Variants in SCEL observed in about 807,000 individuals in gnomAD.
The protein encoded by SCEL is sciellin.
Under a neutral mutation model 117.6 loss-of-function variants are expected in SCEL, and 113 were observed. That is an observed-to-expected ratio of 0.96 (90% CI 0.83 to 1.12). The LOEUF is 1.12. Ranked by LOEUF, SCEL falls within the 50% of genes most tolerant of loss-of-function variation. The pLI, the probability that SCEL is intolerant of heterozygous loss-of-function variation, is 0.00. For missense variants in SCEL, 785 were observed against 810.8 expected (o/e 0.97, Z 0.39); for synonymous variants, 270 against 256.2 (o/e 1.05, Z -0.51).
intron 23 of SCEL, 24 bp downstream of exon 23, chr13:77,612,965 G>T (rs767474369): frequency 7.0e-7 from 1 of 1,436,316 alleles, no homozygotes; most frequent in South Asian, 1.3e-5. Context: ...GATAATTGAA[G>T]ACTTCTTAGC....
At chr13:77,603,627 A>G (rs1182198270) in intron 18 of SCEL, among the ~76,000 whole-genome samples, 3 of 152,148 alleles carry the variant, frequency 2.0e-5, no homozygotes, top group East Asian at 1.9e-4. Flanking sequence ...GTGGCACCCA[A>G]TCGCAGTGCT....
rs2085480585 is a variant in SCEL at position 77,569,552 on chromosome 13, T to C, written c.479+101T>C. The C allele has an allele frequency of 9.9e-6, 8 of 808,136 alleles. No homozygotes were observed. In the South Asian group the frequency reaches 1.0e-4, roughly 11 times the overall value. The allele number at this position is 808,136 out of a possible 1,614,324, so 50.1% of individuals were successfully genotyped here. Reference sequence around the variant, plus strand: ...TTGTGGGGATCCAGCATCTACATTCTGCTGTTCCCAAACTTCAGCTCTTTC... The same window carrying C: ...TTGTGGGGATCCAGCATCTACATTCCGCTGTTCCCAAACTTCAGCTCTTTC... On this transcript the variant is annotated intron_variant, in intron 8 of 32. Coordinates refer to ENST00000349847, the MANE Select transcript of SCEL (RefSeq NM_144777.3).
intron 19 of SCEL, among the ~76,000 whole-genome samples, chr13:77,606,725 T>C (rs184217029): frequency 6.6e-6 from 1 of 152,316 alleles, no homozygotes; most frequent in Admixed American, 6.5e-5. Context: ...AATAAAAGAC[T>C]TGAATCAGCA....
At chr13:77,596,949 A>G (rs1327977469) in intron 12 of SCEL, 1 of 152,224 alleles carries the variant, frequency 6.6e-6, no homozygotes, top group African/African-American at 2.4e-5. Flanking sequence ...GCAGTTGTCA[A>G]ATGTGGAAAC....
rs568113801 is a variant in SCEL at position 77,541,245 on chromosome 13, A to T, written c.-20+5421A>T. On this transcript the variant is annotated intron_variant, in intron 1 of 32. Coordinates refer to ENST00000349847, the MANE Select transcript of SCEL (RefSeq NM_144777.3). ...TGGATAATTTATAAAATAAGAAAGA[A>T]AATGCCCTGTAAAGTGAAGAAAAAT... Among the ~76,000 whole-genome samples, 5 of 152,238 alleles carry T rather than the reference A, an allele frequency of 3.3e-5. No homozygotes were observed. In the South Asian group the frequency reaches 1.0e-3, roughly 32 times the overall value.
chr13:77,638,444 A>G (rs1034880499), intron 30 of SCEL, among the ~76,000 whole-genome samples: 9 of 152,192 alleles, frequency 5.9e-5, no homozygotes, highest in African/African-American at 1.9e-4. Flanking sequence ...GATCTTAATA[A>G]AGATAGTACC....
At chr13:77,600,631 G>A (rs1350568006) in intron 15 of SCEL, among the ~76,000 whole-genome samples, 1 of 151,830 alleles carries the variant, frequency 6.6e-6, no homozygotes, top group African/African-American at 2.4e-5. Flanking sequence ...TATAGTTCTA[G>A]CCTGACTGAT....
At chr13:77,632,723 A>AT (rs2090082146) in intron 28 of SCEL, among the ~76,000 whole-genome samples, 1 of 152,166 alleles carries the variant, frequency 6.6e-6, no homozygotes, top group African/African-American at 2.4e-5. Context: ...AATTTTCTCT[A>AT]TTTTTGCATT....
intron 21 of SCEL, 122 bp from the exon 22 acceptor site, chr13:77,609,925 G>A (rs2088513952): frequency 4.2e-6 from 2 of 478,564 alleles, no homozygotes; most frequent in Non-Finnish European, 6.5e-6. Context: ...AGCCCTCTGA[G>A]ATGATCTCTA....
intron 12 of SCEL, among the ~76,000 whole-genome samples, chr13:77,594,646 CTA>C (rs1280469543): frequency 6.6e-6 from 1 of 152,190 alleles, no homozygotes. Context: ...TCTATCATCT[CTA>C]TAGTCTCTCA....
At chr13:77,610,879 T>C (rs1200511776) in intron 22 of SCEL, among the ~76,000 whole-genome samples, 1 of 152,212 alleles carries the variant, frequency 6.6e-6, no homozygotes, top group Non-Finnish European at 1.5e-5. Flanking sequence ...CATTTGTCTT[T>C]TATATAGAAA....
chr13:77,564,697 A>G (rs940928578), intron 5 of SCEL, among the ~76,000 whole-genome samples: 3 of 152,190 alleles, frequency 2.0e-5, no homozygotes, highest in Non-Finnish European at 4.4e-5. Flanking sequence ...ATGTGCTGCA[A>G]TTGCAGGCAA....
rs1057118328 is a variant in SCEL, at chr13:77,612,894, C to A, written c.1341C>A (p.Asn447Lys). ...TPERNRTNQG[N>K]QDLENLIKVI... is the part of the protein sequence containing the mutation. ...TTGAAACTTAACATTTTTTTAGGAA[C>A]CAAGACTTGGAAAATCTTATCAAAG... Residue 447 changes from asparagine to lysine, a missense_variant, in exon 23 of 33, where the codon AAC becomes AAA. Asn to Lys is a moderately conservative substitution (Grantham distance 94, BLOSUM62 0). Transcript: ENST00000349847. 2.6e-6 allele frequency: 4 copies of A among 1,546,022 alleles called. No homozygotes were observed. The highest frequency in any genetic ancestry group is 2.8e-5 in the African/African-American group (2 of 71,656).
chr13:77,598,272 G>A (rs535012437), intron 13 of SCEL, among the ~76,000 whole-genome samples: 80 of 152,320 alleles, frequency 5.3e-4, no homozygotes, highest in Non-Finnish European at 6.6e-4. Context: ...TAAGTATAAT[G>A]TAAGCAAGCT....
At chr13:77,615,376 G>T (rs575645244) in intron 24 of SCEL, among the ~76,000 whole-genome samples, 2 of 151,960 alleles carry the variant, frequency 1.3e-5, no homozygotes, top group East Asian at 1.9e-4. Context: ...TTAATTAAGC[G>T]CCTTGGAAAA....
chr13:77,602,008 C>T, intron 15 of SCEL, 57 bp from the exon 16 acceptor site: 2 of 1,382,886 alleles, frequency 1.4e-6, no homozygotes, highest in Non-Finnish European at 2.0e-6. Flanking sequence ...GAATATATCA[C>T]TGAGTTGCTC....
intron 24 of SCEL, among the ~76,000 whole-genome samples, chr13:77,615,800 A>G (rs971440815): frequency 5.3e-5 from 8 of 152,030 alleles, no homozygotes; most frequent in African/African-American, 1.9e-4. Flanking sequence ...TGTTGCCTTT[A>G]TAGGAGTGGT....
At chr13:77,611,240 T>G (rs1022452500) in intron 22 of SCEL, among the ~76,000 whole-genome samples, 3 of 152,194 alleles carry the variant, frequency 2.0e-5, no homozygotes, top group Non-Finnish European at 4.4e-5. Flanking sequence ...TGTGAACAAA[T>G]GGGCATGGCT....
chr13:77,612,038 A>C (rs2088672432), intron 22 of SCEL, among the ~76,000 whole-genome samples: 1 of 152,178 alleles, frequency 6.6e-6, no homozygotes, highest in Non-Finnish European at 1.5e-5. Context: ...TAAACAGTTC[A>C]ATGTAATAGA....
Sources: gnomAD v4.1 joint callset for allele counts (sites outside exome capture counted in the v4.1 genomes callset) on GRCh38, gnomAD v4.1.1 for gene constraint, MANE v1.5 for transcripts, NCBI Gene and HGNC (gene_info 2026-07-23, HGNC 2026-07-21) for gene names.